The following PCDHGA4 variants were observed in gnomAD, a reference collection of about 807,000 sequenced individuals.
The protein encoded by PCDHGA4 is protocadherin gamma-A4.
In PCDHGA4, 38 loss-of-function variants were observed where a neutral mutation model predicts 54.6. That is an observed-to-expected ratio of 0.70 (90% CI 0.54 to 0.91). PCDHGA4 has a LOEUF of 0.91. Ranked by LOEUF, PCDHGA4 falls within the 40% of genes least tolerant of loss-of-function variation. The pLI is 0.00. For missense variants in PCDHGA4, 1,298 were observed against 1,220.9 expected (o/e 1.06, Z -0.94); for synonymous variants, 511 against 512.9 (o/e 1.00, Z 0.05).
In PCDHGA4 at chr5:141,395,514, C is replaced by T. The variant is rs138744897; in HGVS notation, c.2514+37893C>T. 1.1e-3 allele frequency: 455 copies of T among 421,180 alleles called. 7 individuals carry two copies. The highest frequency in any genetic ancestry group is 8.9e-3 in the African/African-American group (432 of 48,430). The allele number at this position is 421,180 out of a possible 1,614,324, so 26.1% of individuals were successfully genotyped here. ...ACTCATTCACTTAAGAAGTAGCTAC[C>T]CGTCCATACTGGTAATTTTGCTATT... On this transcript the variant is annotated intron_variant, in intron 1 of 3. Transcript: ENST00000571252.
intron 1 of PCDHGA4, among the ~76,000 whole-genome samples, chr5:141,492,920 G>A (rs2099745093): frequency 6.6e-6 from 1 of 152,198 alleles, no homozygotes; most frequent in African/African-American, 2.4e-5. Context: ...TGTGCCCAGC[G>A]ATCTAGGGTC....
intron 2 of PCDHGA4, among the ~76,000 whole-genome samples, chr5:141,501,294 C>CAT (rs200497585): frequency 0.16 from 9,924 of 62,810 alleles, 350 homozygotes; most frequent in Non-Finnish European, 0.25. Flanking sequence ...CCCTTATACA[C>CAT]ACACACACAC....
chr5:141,470,911 G>A (rs1208467445), intron 1 of PCDHGA4, among the ~76,000 whole-genome samples: 1 of 151,916 alleles, frequency 6.6e-6, no homozygotes, highest in Non-Finnish European at 1.5e-5. Context: ...AGATGGGACT[G>A]TCCCTATGTT....
chr5:141,415,740 G>GTTTTTTTTTT lies in PCDHGA4; in HGVS notation c.2514+58142_2514+58151dup, dbSNP rs57426385. 90 of 625,044 alleles carry GTTTTTTTTTT rather than the reference G, an allele frequency of 1.4e-4. 1 individual carries two copies. The highest frequency in any genetic ancestry group is 4.1e-4 in the East Asian group (6 of 14,742). The allele number at this position is 625,044 out of a possible 1,614,324, so 38.7% of individuals were successfully genotyped here. On this transcript the variant is annotated intron_variant, in intron 1 of 3. Coordinates refer to ENST00000571252, the MANE Select transcript of PCDHGA4 (RefSeq NM_018917.4). ...TGAGTAGAATTTGATGTTTATTAAG[G>GTTTTTTTTTT]TTTTTTTTTTTTTTTTTTTTTTTTT...
In PCDHGA4 at chr5:141,384,747, CTT is replaced by C. The variant is rs1040265836; in HGVS notation, c.2514+27128_2514+27129del. Reference sequence around the variant, plus strand: ...TGCTTAAGGCCAGCGAGCCAGGACTCTTTGCGGTTGGGCTGTACACGGGCGAG... The same window carrying C: ...TGCTTAAGGCCAGCGAGCCAGGACTCTGCGGTTGGGCTGTACACGGGCGAG... On this transcript the variant is annotated intron_variant, in intron 1 of 3. Coordinates refer to ENST00000571252, the MANE Select transcript of PCDHGA4 (RefSeq NM_018917.4). 2.2e-5 allele frequency: 35 copies of C among 1,614,060 alleles called. No individual in the cohort carries two copies. In the Admixed American group the frequency reaches 3.5e-4, roughly 16 times the overall value.
intron 1 of PCDHGA4, chr5:141,478,148 C>A: frequency 6.2e-7 from 1 of 1,614,066 alleles, no homozygotes; most frequent in Non-Finnish European, 8.5e-7. Flanking sequence ...AGCCGAGTTC[C>A]CCTCTGGCTC....
At chr5:141,434,070 T>C (rs1004240895) in intron 1 of PCDHGA4, among the ~76,000 whole-genome samples, 3 of 152,226 alleles carry the variant, frequency 2.0e-5, no homozygotes, top group Non-Finnish European at 2.9e-5. Context: ...TCTGTTAATA[T>C]CAATTATTTA....
intron 3 of PCDHGA4, among the ~76,000 whole-genome samples, chr5:141,507,571 G>A (rs2099861692): frequency 6.6e-6 from 1 of 152,254 alleles, no homozygotes; most frequent in Non-Finnish European, 1.5e-5. Flanking sequence ...TGGGTCTGAG[G>A]AGATGCCAAG....
chr5:141,392,929 C>T (rs1474626800), intron 1 of PCDHGA4: 6 of 1,613,770 alleles, frequency 3.7e-6, no homozygotes, highest in Non-Finnish European at 5.1e-6. Flanking sequence ...CCAGAAGAGA[C>T]GGACAAAGGC....
At chr5:141,367,872 ATTC>A (rs771117453) in intron 1 of PCDHGA4, 5 of 152,254 alleles carry the variant, frequency 3.3e-5, no homozygotes, top group African/African-American at 9.6e-5. Context: ...TGTAGGTGCA[ATTC>A]TTCTTTATTA....
intron 1 of PCDHGA4, chr5:141,376,291 C>A (rs780024608): frequency 6.2e-7 from 1 of 1,614,158 alleles, no homozygotes; most frequent in South Asian, 1.1e-5. Flanking sequence ...CGAGCATGCC[C>A]GGCTCGCACT....
At chr5:141,376,043 C>G (rs201022484) in intron 1 of PCDHGA4, 1 of 1,613,172 alleles carries the variant, frequency 6.2e-7, no homozygotes, top group Non-Finnish European at 8.5e-7. Context: ...CCAGCCCCCT[C>G]TCTCCGCCAC....
chr5:141,395,081 A>G (rs749375075), intron 1 of PCDHGA4: 3 of 1,614,156 alleles, frequency 1.9e-6, no homozygotes, highest in South Asian at 1.1e-5. Context: ...ATTCCCAGGA[A>G]GTCTCCCTCA....
chr5:141,456,872 A>C (rs1003618586), intron 1 of PCDHGA4, among the ~76,000 whole-genome samples: 2 of 152,152 alleles, frequency 1.3e-5, no homozygotes, highest in African/African-American at 4.8e-5. Context: ...CTGAGGCAGG[A>C]GAATCGCTTG....
intron 1 of PCDHGA4, chr5:141,421,708 C>T (rs2096594348): frequency 1.9e-6 from 3 of 1,613,780 alleles, no homozygotes; most frequent in South Asian, 2.2e-5. Flanking sequence ...TGCTAGGGAT[C>T]CAGATGTGGG....
chr5:141,387,561 A>G lies in PCDHGA4; in HGVS notation c.2514+29940A>G, dbSNP rs2090990234. 9 of 426,060 alleles carry G rather than the reference A, an allele frequency of 2.1e-5. No homozygotes were observed. The East Asian group carries it at 3.4e-4, about 16-fold the overall frequency. 26.4% of individuals were successfully genotyped at this position (426,060 alleles called of 1,614,324 possible). A position where few individuals can be genotyped will look rare whatever the true frequency, so the allele number is the denominator to read the frequency against. The stretch of plus-strand genomic sequence containing the variant: ...AGTTTTTGTTCTTTCAGTTAGGCAC[A>G]CAATTATAATTATTGCACTGGTTAA... On this transcript the variant is annotated intron_variant, in intron 1 of 3. Transcript: ENST00000571252.
intron 1 of PCDHGA4, chr5:141,428,189 CTCTCTGCGCCGCTACGCTTCACCTAG>C: frequency 7.0e-7 from 1 of 1,429,262 alleles, no homozygotes; most frequent in Non-Finnish European, 9.7e-7. Flanking sequence ...ACAGCCGCCG[CTCTCTGCGCCGCTACGCTTCACCTAG>C]TCTTCGCAGA....
intron 1 of PCDHGA4, among the ~76,000 whole-genome samples, chr5:141,369,423 T>C (rs1766238907): frequency 6.6e-6 from 1 of 152,130 alleles, no homozygotes; most frequent in African/African-American, 2.4e-5. Context: ...TCCCAGCAAT[T>C]TGGGACGCTG....
chr5:141,413,788 G>T (rs2095678300), intron 1 of PCDHGA4: 1 of 1,613,166 alleles, frequency 6.2e-7, no homozygotes, highest in African/African-American at 1.3e-5. Flanking sequence ...GCACTCCCTA[G>T]ATCGCGAGGA....
Sources: gnomAD v4.1 joint callset for allele counts (sites outside exome capture counted in the v4.1 genomes callset) on GRCh38, gnomAD v4.1.1 for gene constraint, MANE v1.5 for transcripts, NCBI Gene and HGNC (gene_info 2026-07-23, HGNC 2026-07-21) for gene names.